Variants in NRBP1 observed in about 807,000 individuals in gnomAD.
NRBP1 encodes nuclear receptor binding protein 1.
Under a neutral mutation model 76.0 loss-of-function variants are expected in NRBP1, and 10 were observed. That is an observed-to-expected ratio of 0.13 (90% CI 0.08 to 0.22). The LOEUF (loss-of-function observed/expected upper bound fraction) is 0.22, where lower values mean the gene tolerates loss of function less well. Among genes scored for constraint, NRBP1 ranks in the 10% least tolerant of loss-of-function variants. NRBP1 has a pLI of 1.00. For missense variants in NRBP1, 344 were observed against 646.0 expected (o/e 0.53, Z 5.07); for synonymous variants, 235 against 240.2 (o/e 0.98, Z 0.20).
chr2:27,435,529 C>T, intron 7 of NRBP1: 1 of 634,186 alleles, frequency 1.6e-6, no homozygotes, highest in Non-Finnish European at 2.9e-6. Context: ...CCAGACCCTG[C>T]CAGAGGAGGT....
chr2:27,440,623 T>C (rs1309172629), intron 12 of NRBP1, 29 bp from the exon 13 acceptor site: 14 of 1,613,764 alleles, frequency 8.7e-6, no homozygotes, highest in Non-Finnish European at 1.2e-5. Flanking sequence ...GTTTCTTTCC[T>C]TCCATCTCCT....
intron 6 of NRBP1, 53 bp downstream of exon 6, chr2:27,434,815 A>C: frequency 1.3e-6 from 2 of 1,550,676 alleles, no homozygotes; most frequent in Middle Eastern, 1.7e-4. Context: ...TAGTTACTCC[A>C]AACAGATTTC....
At chr2:27,439,725 C>A in intron 10 of NRBP1, 41 bp from the exon 11 acceptor site, 1 of 1,611,760 alleles carries the variant, frequency 6.2e-7, no homozygotes, top group Non-Finnish European at 8.5e-7. Context: ...ACACTGGGGG[C>A]TTGCCAGATG....
At chr2:27,432,750 A>T (rs181638308) in intron 1 of NRBP1, among the ~76,000 whole-genome samples, 39 of 148,638 alleles carry the variant, frequency 2.6e-4, no homozygotes, top group Non-Finnish European at 5.5e-4. Context: ...TAATTTTTAA[A>T]TTTTTTTGTA....
In NRBP1 at chr2:27,437,351, A is replaced by G. The variant is rs765041355; in HGVS notation, c.894A>G (p.Pro298=). Residue 298 remains proline (P), a synonymous_variant, in exon 10 of 18, where the codon CCA becomes CCG. Transcript: ENST00000379852. The part of the protein sequence containing the change: ...ISSAIQLLED[P]LQREFIQKCL... ...GTGCCATCCAGCTTCTAGAAGACCC[A>G]TTACAGAGGGTAAGGATCTTCAGGA... The G allele has an allele frequency of 6.2e-7, 1 of 1,611,820 alleles. No individual in the cohort carries two copies. The highest frequency in any genetic ancestry group is 1.7e-5 in the Admixed American group (1 of 59,984).
intron 13 of NRBP1, 31 bp from the exon 14 acceptor site, chr2:27,440,774 G>T: frequency 6.2e-7 from 1 of 1,614,076 alleles, no homozygotes; most frequent in Non-Finnish European, 8.5e-7. Context: ...CGTTCACAGA[G>T]CCCATGTGAC....
chr2:27,436,469 C>G (rs890243698), intron 7 of NRBP1: 1 of 388,270 alleles, frequency 2.6e-6, no homozygotes, highest in Non-Finnish European at 4.7e-6. Flanking sequence ...TTCATTGCTT[C>G]TAGACCAGCC....
chr2:27,431,323 A>G (rs1181486761), intron 1 of NRBP1, among the ~76,000 whole-genome samples: 3 of 152,092 alleles, frequency 2.0e-5, no homozygotes, highest in Non-Finnish European at 2.9e-5. Flanking sequence ...TAAATAACCT[A>G]TATCAGATCT....
rs1260506250 is a variant in NRBP1, at chr2:27,442,241, A to G, written c.*429A>G. The G allele has an allele frequency of 5.0e-6, 3 of 604,322 alleles. No homozygotes were observed. The African/African-American group carries it at 6.0e-5, about 12-fold the overall frequency. 37.4% of individuals were successfully genotyped at this position (604,322 alleles called of 1,614,324 possible). A position where few individuals can be genotyped will look rare whatever the true frequency, so the allele number is the denominator to read the frequency against. Reference sequence around the variant, plus strand: ...TCGCCTCAGTTGCTGCTGTAATAAAAGTCTACTTTTTGCTAAAAGCGTCGT... The same window carrying G: ...TCGCCTCAGTTGCTGCTGTAATAAAGGTCTACTTTTTGCTAAAAGCGTCGT... On this transcript the variant is annotated 3_prime_UTR_variant, in exon 18 of 18. Coordinates refer to ENST00000379852, the MANE Select transcript of NRBP1 (RefSeq NM_013392.4).
chr2:27,431,186 G>C (rs1664100704), intron 1 of NRBP1, among the ~76,000 whole-genome samples: 1 of 152,198 alleles, frequency 6.6e-6, no homozygotes, highest in African/African-American at 2.4e-5. Flanking sequence ...CGTAGTCCCA[G>C]CTACTCGGGA....
intron 6 of NRBP1, 119 bp from the exon 7 acceptor site, chr2:27,435,014 G>A (rs1047868386): frequency 3.0e-6 from 2 of 677,266 alleles, no homozygotes; most frequent in Admixed American, 2.6e-5. Flanking sequence ...GAGATTCAGA[G>A]TGTGGGGATT....
chr2:27,429,028 G>T (rs1399847062), intron 1 of NRBP1, among the ~76,000 whole-genome samples: 1 of 150,944 alleles, frequency 6.6e-6, no homozygotes, highest in Admixed American at 6.6e-5. Context: ...CGAGAGGCGG[G>T]GCCCGGCGGG....
Position 27,433,347 on chromosome 2 carries a change from C to G in NRBP1, c.74C>G (p.Pro25Arg). 3 of 1,614,274 alleles carry G rather than the reference C, an allele frequency of 1.9e-6. No individual in the cohort carries two copies. Among genetic ancestry groups the G allele is most frequent in the Non-Finnish European group, 2.5e-6 (3 of 1,180,052 alleles). The change falls in exon 2 of 18, where the codon CCT becomes CGT. Residue 25 changes from proline (P) to arginine (R), a missense_variant. Around this residue, in one of 3 missense-constraint regions of NRBP1, gnomAD observed 53 missense variants for 48.4 expected, o/e 1.09. Transcript: ENST00000379852. ...DPKVESSSSA[P>R]GLTSVSPPVT... ...AAGGTAGAATCCTCATCTTCAGCTC[C>G]TGGCCTGACATCAGTGTCACCTCCT...
At position 27,441,119 on chromosome 2, in the gene NRBP1, C is replaced by T. The variant is rs1422357542; in HGVS notation, c.1330-8C>T. On this transcript the variant is annotated splice_region_variant and splice_polypyrimidine_tract_variant and intron_variant, in intron 14 of 17. Coordinates refer to ENST00000379852, the MANE Select transcript of NRBP1 (RefSeq NM_013392.4). Reference sequence around the variant, plus strand: ...GGTCTCTAGAGTGACCCTCTCTTCCCTCCCTAGGTGGTGCTGATGCAGTGC... The same window carrying T: ...GGTCTCTAGAGTGACCCTCTCTTCCTTCCCTAGGTGGTGCTGATGCAGTGC... 5.0e-6 allele frequency: 8 copies of T among 1,613,048 alleles called. No homozygotes were observed. Among genetic ancestry groups the T allele is most frequent in the African/African-American group, 1.3e-5 (1 of 74,874 alleles).
chr2:27,434,825 C>A, intron 6 of NRBP1, 63 bp downstream of exon 6: 1 of 1,471,044 alleles, frequency 6.8e-7, no homozygotes, highest in Non-Finnish European at 9.5e-7. Context: ...AAACAGATTT[C>A]AGGGCACTAC....
chr2:27,436,977 TC>T (rs1056461278), intron 8 of NRBP1, 69 bp from the exon 9 acceptor site: 151 of 1,480,290 alleles, frequency 1.0e-4, no homozygotes, highest in Non-Finnish European at 1.3e-4. Flanking sequence ...TTTTTTTTTT[TC>T]CTAAGGCATT....
At position 27,436,949 on chromosome 2, in the gene NRBP1, A is replaced by C. The variant is rs563206438; in HGVS notation, c.746-98A>C. ...TTCTAGGCCTTCTCTACCAGCATAC[A>C]AAATATTTTTCTTTTCTTTTTTTTT... On this transcript the variant is annotated intron_variant, in intron 8 of 17. Transcript: ENST00000379852. 54 of 1,470,930 alleles carry C rather than the reference A, an allele frequency of 3.7e-5. 1 individual carries two copies. In the South Asian group the frequency reaches 6.2e-4, roughly 17 times the overall value. The allele number at this position is 1,470,930 out of a possible 1,614,324, so 91.1% of individuals were successfully genotyped here.
At chr2:27,433,211 C>G (rs1664170914) in intron 1 of NRBP1, 43 bp from the exon 2 acceptor site, 1 of 1,393,870 alleles carries the variant, frequency 7.2e-7, no homozygotes. Context: ...TGTATCCTGA[C>G]TTTCTCTGCC....
rs70953859 is a variant in NRBP1 at position 27,439,995 on chromosome 2, CTTTTTTTTTTTTTTTTTTTTTTTT to C, written c.1036+110_1036+133del. On this transcript the variant is annotated intron_variant, in intron 11 of 17. Transcript: ENST00000379852. ...TTTCCTCTTTATTTCCAAAGGGATT[CTTTTTTTTTTTTTTTTTTTTTTTT>C]TTTTTTTTTTTTGAGACAGAGTCTC... 468 of 458,528 alleles carry C rather than the reference CTTTTTTTTTTTTTTTTTTTTTTTT, an allele frequency of 1.0e-3. 2 individuals carry two copies. Among genetic ancestry groups the C allele is most frequent in the Middle Eastern group, 1.6e-3 (2 of 1,246 alleles). The allele number at this position is 458,528 out of a possible 1,614,324, so 28.4% of individuals were successfully genotyped here.
Sources: gnomAD v4.1 joint callset for allele counts (sites outside exome capture counted in the v4.1 genomes callset) on GRCh38, gnomAD v4.1.1 for gene constraint, gnomAD v4.1.1 regional missense constraint, MANE v1.5 for transcripts, NCBI Gene and HGNC (gene_info 2026-07-23, HGNC 2026-07-21) for gene names.